Variants in PDE10A observed in about 807,000 individuals in gnomAD.
PDE10A encodes phosphodiesterase 10A, also known as cAMP and cAMP-inhibited cGMP 3',5'-cyclic phosphodiesterase 10A.
PDE10A carries 39 observed loss-of-function variants against 97.7 expected under a neutral mutation model. The observed-to-expected ratio is 0.40, with a 90% confidence interval of 0.31 to 0.52. PDE10A has a LOEUF of 0.52. PDE10A is among the 20% of genes least tolerant of loss of function. PDE10A has a pLI of 0.56. For missense variants in PDE10A, 731 were observed against 1,047.8 expected (o/e 0.70, Z 4.17); for synonymous variants, 371 against 376.8 (o/e 0.98, Z 0.18).
chr6:165,908,988 G>A (rs1261127976), intron 1 of PDE10A: 1 of 152,196 alleles, frequency 6.6e-6, no homozygotes, highest in Non-Finnish European at 1.5e-5. Context: ...TGCATTGTGG[G>A]TTGATCCAGT....
intron 1 of PDE10A, among the ~76,000 whole-genome samples, chr6:165,786,931 G>A (rs1418424705): frequency 6.6e-6 from 1 of 152,024 alleles, no homozygotes; most frequent in Non-Finnish European, 1.5e-5. Flanking sequence ...AACTATATTA[G>A]TAATTATTCT....
intron 1 of PDE10A, among the ~76,000 whole-genome samples, chr6:165,691,152 A>G (rs1400672850): frequency 1.6e-5 from 1 of 64,068 alleles, no homozygotes; most frequent in Non-Finnish European, 3.2e-5. Context: ...AATTCCTTAC[A>G]GTAATATTCT....
In PDE10A at chr6:165,437,820, T is replaced by A. The variant is rs115317060; in HGVS notation, c.1195-2443A>T. ...ACTTTCCCTCCTTTATATTAGTGGT[T>A]CCCTTCTGTGTTGTTTTTGTTTTGT... On this transcript the variant is annotated intron_variant, in intron 5 of 21. Coordinates refer to ENST00000539869, the MANE Select transcript of PDE10A (RefSeq NM_001385079.1). 3.6e-3 allele frequency among the ~76,000 whole-genome samples: 543 copies of A among 152,328 alleles called. 4 individuals are homozygous for A. The highest frequency in any genetic ancestry group is 0.012 in the African/African-American group (505 of 41,572).
At chr6:165,489,330 A>G (rs1583393029) in intron 2 of PDE10A, among the ~76,000 whole-genome samples, 1 of 152,262 alleles carries the variant, frequency 6.6e-6, no homozygotes. Context: ...CTGTGTGGTT[A>G]CATTCAGAAG....
intron 1 of PDE10A, among the ~76,000 whole-genome samples, chr6:165,738,663 G>C (rs7772712): frequency 0.69 from 103,464 of 150,782 alleles, 36,286 homozygotes; most frequent in African/African-American, 0.84. Context: ...TCCACATCCT[G>C]TCCAGCACCT....
At chr6:165,846,823 A>G (rs1211227803) in intron 1 of PDE10A, among the ~76,000 whole-genome samples, 3 of 152,226 alleles carry the variant, frequency 2.0e-5, no homozygotes, top group African/African-American at 7.2e-5. Flanking sequence ...TTCCTGGGGA[A>G]GAAATCCCGG....
intron 1 of PDE10A, among the ~76,000 whole-genome samples, chr6:165,673,886 T>A (rs980013618): frequency 3.3e-5 from 5 of 152,228 alleles, no homozygotes; most frequent in African/African-American, 1.2e-4. Context: ...GTTTATGAAT[T>A]TCCAAATAAT....
intron 18 of PDE10A, among the ~76,000 whole-genome samples, chr6:165,352,919 G>A (rs138309184): frequency 1.3e-5 from 2 of 152,220 alleles, no homozygotes; most frequent in East Asian, 3.9e-4. Flanking sequence ...CACAGACCGA[G>A]AGAAAACATT....
intron 18 of PDE10A, among the ~76,000 whole-genome samples, chr6:165,372,334 G>A (rs952935005): frequency 6.7e-6 from 1 of 150,052 alleles, no homozygotes; most frequent in Non-Finnish European, 1.5e-5. Flanking sequence ...AAACCCCATT[G>A]TCTCAGCCCA....
At chr6:165,843,646 C>T (rs1780322884) in intron 1 of PDE10A, among the ~76,000 whole-genome samples, 1 of 152,180 alleles carries the variant, frequency 6.6e-6, no homozygotes, top group Non-Finnish European at 1.5e-5. Flanking sequence ...ATGCCTTCAT[C>T]ACCCCGCCAA....
chr6:165,717,046 T>C (rs1289635309), intron 1 of PDE10A, among the ~76,000 whole-genome samples: 1 of 152,218 alleles, frequency 6.6e-6, no homozygotes, highest in East Asian at 1.9e-4. Flanking sequence ...TCTGTTTCTA[T>C]ACAATTGACT....
intron 1 of PDE10A, among the ~76,000 whole-genome samples, chr6:165,911,159 A>G (rs1782443323): frequency 6.6e-6 from 1 of 152,318 alleles, no homozygotes; most frequent in East Asian, 1.9e-4. Context: ...TTTTGTACCA[A>G]CCTAATAATA....
intron 3 of PDE10A, among the ~76,000 whole-genome samples, chr6:165,474,447 T>A (rs1375363998): frequency 5.9e-5 from 9 of 152,198 alleles, no homozygotes. Flanking sequence ...CATATAAACT[T>A]TTTTCCTTCT....
chr6:165,866,122 A>G (rs962115185), intron 1 of PDE10A, among the ~76,000 whole-genome samples: 2 of 152,194 alleles, frequency 1.3e-5, no homozygotes, highest in African/African-American at 4.8e-5. Context: ...TCCCCCAATT[A>G]AGAGATATAG....
At chr6:165,572,061 G>T (rs1200492285) in intron 1 of PDE10A, among the ~76,000 whole-genome samples, 1 of 152,184 alleles carries the variant, frequency 6.6e-6, no homozygotes, top group Non-Finnish European at 1.5e-5. Flanking sequence ...ATCAGAGAAA[G>T]ATTTAAATAT....
intron 1 of PDE10A, among the ~76,000 whole-genome samples, chr6:165,907,894 G>A (rs1292173317): frequency 6.6e-6 from 1 of 152,190 alleles, no homozygotes; most frequent in East Asian, 1.9e-4. Context: ...CTCTTAGAGA[G>A]AACAGGCTTC....
intron 18 of PDE10A, among the ~76,000 whole-genome samples, chr6:165,362,321 G>A (rs953027530): frequency 6.6e-6 from 1 of 152,046 alleles, no homozygotes; most frequent in Non-Finnish European, 1.5e-5. Flanking sequence ...CAGAGAGGGA[G>A]AGGGAGAAAA....
At chr6:165,360,599 T>C (rs756469363) in intron 18 of PDE10A, among the ~76,000 whole-genome samples, 11 of 152,144 alleles carry the variant, frequency 7.2e-5, no homozygotes, top group Admixed American at 2.6e-4. Context: ...GGCTCAACTG[T>C]AGTTTGGAAA....
intron 2 of PDE10A, among the ~76,000 whole-genome samples, chr6:165,528,734 C>G (rs936673978): frequency 6.6e-6 from 1 of 152,150 alleles, no homozygotes; most frequent in African/African-American, 2.4e-5. Flanking sequence ...CAGCAGTGGG[C>G]TGATGTTCAT....
Sources: gnomAD v4.1 joint callset for allele counts (sites outside exome capture counted in the v4.1 genomes callset) on GRCh38, gnomAD v4.1.1 for gene constraint, MANE v1.5 for transcripts, NCBI Gene and HGNC (gene_info 2026-07-23, HGNC 2026-07-21) for gene names.